Variants in ELAPOR1 observed in about 807,000 individuals in gnomAD.
ELAPOR1 encodes endosome/lysosome-associated apoptosis and autophagy regulator 1.
A neutral mutation model predicts 119.7 loss-of-function variants in ELAPOR1; 77 were observed. The ratio of observed to expected loss-of-function variants is 0.64; its 90% CI spans 0.54 to 0.78. The LOEUF (loss-of-function observed/expected upper bound fraction) is 0.78. Ranked by LOEUF, ELAPOR1 falls within the 30% of genes least tolerant of loss-of-function variation. The pLI is 0.00. For synonymous variants in ELAPOR1, 481 were observed against 487.2 expected (o/e 0.99, Z 0.17); for missense variants, 1,115 against 1,270.4 (o/e 0.88, Z 1.86).
At position 109,192,695 on chromosome 1, in the gene ELAPOR1, C is replaced by T; in HGVS notation, c.1768C>T (p.Pro590Ser). 6.2e-7 allele frequency: 1 copy of T among 1,614,162 alleles called. No homozygotes were observed. The highest frequency in any genetic ancestry group is 8.5e-7 in the Non-Finnish European group (1 of 1,180,016). ...VMNGVASYCR[P>S]CALEASDVGS... ...GAATGGTGTGGCCTCCTACTGCCGT[C>T]CCTGTGCCCTAGAAGCCTCTGATGT... The change falls in exon 14 of 22, where the codon CCC becomes TCC. Residue 590 changes from proline to serine, a missense_variant. Pro to Ser is a moderately conservative substitution (Grantham distance 74, BLOSUM62 -1). Transcript: ENST00000369939.
chr1:109,174,865 G>T (rs1040068858), intron 7 of ELAPOR1, among the ~76,000 whole-genome samples: 1 of 152,078 alleles, frequency 6.6e-6, no homozygotes, highest in Non-Finnish European at 1.5e-5. Context: ...ACAGGCGCCC[G>T]CCACTGCGCC....
chr1:109,126,618 G>A (rs772341648), intron 1 of ELAPOR1, among the ~76,000 whole-genome samples: 10 of 151,978 alleles, frequency 6.6e-5, no homozygotes, highest in African/African-American at 9.7e-5. Context: ...TTACAGGCAC[G>A]CGCCACCATG....
At chr1:109,192,997 AGGTT>A in intron 14 of ELAPOR1, 123 bp downstream of exon 14, 1 of 1,105,238 alleles carries the variant, frequency 9.0e-7, no homozygotes, top group Non-Finnish European at 1.3e-6. Flanking sequence ...GCATACTCCT[AGGTT>A]GGAGTCCTGG....
chr1:109,191,308 G>A, intron 11 of ELAPOR1, 58 bp from the exon 12 acceptor site: 3 of 1,192,112 alleles, frequency 2.5e-6, no homozygotes, highest in Middle Eastern at 2.0e-4. Flanking sequence ...TGTTGTCTGG[G>A]CTCTTCAATA....
intron 1 of ELAPOR1, among the ~76,000 whole-genome samples, chr1:109,133,685 T>C (rs970929912): frequency 6.6e-6 from 1 of 152,224 alleles, no homozygotes; most frequent in Non-Finnish European, 1.5e-5. Context: ...TTCTTTTGTC[T>C]CAAATTGGAA....
At chr1:109,194,996 G>A (rs897435737) in intron 15 of ELAPOR1, among the ~76,000 whole-genome samples, 6 of 152,136 alleles carry the variant, frequency 3.9e-5, no homozygotes, top group Non-Finnish European at 4.4e-5. Context: ...TGTAATCCCA[G>A]CTACTCGAGA....
chr1:109,198,806 C>T (rs1036195329), intron 18 of ELAPOR1, 132 bp downstream of exon 18: 36 of 706,234 alleles, frequency 5.1e-5, no homozygotes, highest in South Asian at 2.4e-4. Context: ...CTTAGGGGCA[C>T]AGTCATGGCC....
chr1:109,171,832 C>T (rs1651943040), intron 3 of ELAPOR1, 34 bp from the exon 4 acceptor site: 1 of 1,611,952 alleles, frequency 6.2e-7, no homozygotes, highest in Non-Finnish European at 8.5e-7. Flanking sequence ...GGGCTGTGCT[C>T]CTGCCTGTGA....
intron 15 of ELAPOR1, 65 bp downstream of exon 15, chr1:109,194,659 A>G (rs1235170992): frequency 2.0e-6 from 3 of 1,497,402 alleles, no homozygotes; most frequent in Non-Finnish European, 2.8e-6. Context: ...GAAGCCAGAG[A>G]CAGACACAGG....
chr1:109,174,138 G>A (rs1018774489), intron 7 of ELAPOR1, among the ~76,000 whole-genome samples: 2 of 150,244 alleles, frequency 1.3e-5, no homozygotes, highest in Non-Finnish European at 3.0e-5. Flanking sequence ...TCAGCCTCCT[G>A]AGTAGCTAAG....
At position 109,200,201 on chromosome 1, in the gene ELAPOR1, C is replaced by T. The variant is rs746256407; in HGVS notation, c.2771C>T (p.Thr924Ile). 3 of 1,614,226 alleles carry T rather than the reference C, an allele frequency of 1.9e-6. No individual in the cohort carries two copies. Among genetic ancestry groups the T allele is most frequent in the East Asian group, 2.2e-5 (1 of 44,894 alleles). Reference protein sequence around the residue: ...SAGTCTAILLTVLTCYFWKKN... With the variant: ...SAGTCTAILLIVLTCYFWKKN... The stretch of plus-strand genomic sequence containing the variant: ...GGCACCTGTACTGCCATCCTGCTCA[C>T]CGTCTTGACCTGCTACTTTTGGAAA... The change falls in exon 20 of 22, where the codon ACC (threonine) becomes ATC (isoleucine). Residue 924 changes from threonine to isoleucine, a missense_variant. Transcript: ENST00000369939.
chr1:109,167,799 G>A (rs1300973951), intron 3 of ELAPOR1, among the ~76,000 whole-genome samples: 4 of 151,982 alleles, frequency 2.6e-5, no homozygotes, highest in Non-Finnish European at 5.9e-5. Flanking sequence ...CTAGAGACAC[G>A]GTTTCACTTA....
rs1325598931 is a variant in ELAPOR1, at chr1:109,185,109, C to T, written c.1017C>T (p.His339=). Residue 339 remains histidine (H), a synonymous_variant, in exon 8 of 22, where the codon CAC becomes CAT. Coordinates refer to ENST00000369939, the MANE Select transcript of ELAPOR1 (RefSeq NM_020775.5). ...ACTDKDYFYT[H]TACDANGETQ... is the part of the protein sequence containing the mutation. ...CAGACAAAGATTATTTCTACACACA[C>T]ACGGCCTGCGATGCCAACGGAGAGG... is the stretch of plus-strand genomic sequence containing the variant. 4 of 1,614,122 alleles carry T rather than the reference C, an allele frequency of 2.5e-6. No homozygotes were observed. The African/African-American group carries it at 4.0e-5, about 16-fold the overall frequency.
intron 1 of ELAPOR1, among the ~76,000 whole-genome samples, chr1:109,153,730 C>T (rs1035413326): frequency 1.3e-5 from 2 of 151,894 alleles, no homozygotes; most frequent in Admixed American, 1.3e-4. Context: ...ACCTCTGCCT[C>T]CTGGGTTCAA....
At chr1:109,174,611 A>G (rs1413825066) in intron 7 of ELAPOR1, among the ~76,000 whole-genome samples, 2 of 151,900 alleles carry the variant, frequency 1.3e-5, no homozygotes, top group Non-Finnish European at 2.9e-5. Context: ...TGATACATAT[A>G]TAATAAATTA....
At chr1:109,158,554 T>C (rs1451116339) in intron 1 of ELAPOR1, among the ~76,000 whole-genome samples, 1 of 152,070 alleles carries the variant, frequency 6.6e-6, no homozygotes, top group African/African-American at 2.4e-5. Flanking sequence ...TTCCCCACCC[T>C]CTCATTTCTA....
intron 7 of ELAPOR1, among the ~76,000 whole-genome samples, chr1:109,179,821 G>T (rs576053192): frequency 2.6e-5 from 4 of 152,120 alleles, no homozygotes; most frequent in Admixed American, 6.5e-5. Context: ...CAAGAGAATT[G>T]CTTGAACCTA....
intron 1 of ELAPOR1, among the ~76,000 whole-genome samples, chr1:109,129,304 G>A (rs1359982646): frequency 2.0e-5 from 3 of 152,160 alleles, no homozygotes; most frequent in African/African-American, 7.2e-5. Flanking sequence ...GAGGTCAGGA[G>A]TTCGAGACCA....
intron 1 of ELAPOR1, among the ~76,000 whole-genome samples, chr1:109,126,998 G>T: frequency 6.6e-6 from 1 of 152,102 alleles, no homozygotes. Context: ...TTGAAAACAA[G>T]TCAAACTCTT....
Sources: allele counts gnomAD v4.1 joint callset (sites outside exome capture counted in the v4.1 genomes callset), GRCh38; gene constraint gnomAD v4.1.1; transcripts MANE v1.5; gene names NCBI Gene and HGNC (gene_info 2026-07-23, HGNC 2026-07-21).